DNAI2: variants seen among roughly 807,000 people sequenced by gnomAD.
DNAI2 encodes the protein dynein, axonemal, intermediate polypeptide 2.
Under a neutral mutation model 74.7 loss-of-function variants are expected in DNAI2, and 63 were observed. The ratio of observed to expected loss-of-function variants is 0.84; its 90% CI spans 0.69 to 1.04. The LOEUF (loss-of-function observed/expected upper bound fraction) is 1.04, where lower values mean the gene tolerates loss of function less well. DNAI2 is among the 50% of genes least tolerant of loss of function. The pLI, the probability that DNAI2 is intolerant of heterozygous loss-of-function variation, is 0.00. For synonymous variants in DNAI2, 289 were observed against 314.9 expected, an observed-to-expected ratio of 0.92 and a Z score of 0.87; for missense variants, 688 against 803.2, an observed-to-expected ratio of 0.86 and a Z score of 1.73.
chr17:74,285,054 G>A lies in DNAI2; in HGVS notation c.198G>A (p.Arg66=), dbSNP rs763731811. ...TCTCTGTTTAGGCCAACTCAGAGCG[G>A]TTTGAGATGGAGACCCGGGGAGTTA... ...SMSEHEANSE[R]FEMETRGVNH... Residue 66 remains arginine, a synonymous_variant, in exon 3 of 14, where the codon CGG becomes CGA. Coordinates refer to ENST00000311014, the MANE Select transcript of DNAI2 (RefSeq NM_023036.6). 1.2e-6 allele frequency: 2 copies of A among 1,614,136 alleles called. No homozygotes were observed. Among genetic ancestry groups the A allele is most frequent in the Admixed American group, 1.7e-5 (1 of 60,012 alleles).
intron 6 of DNAI2, among the ~76,000 whole-genome samples, chr17:74,297,344 G>A (rs575832298): frequency 3.6e-4 from 55 of 151,148 alleles, no homozygotes; most frequent in Non-Finnish European, 6.3e-4. Flanking sequence ...TGCCTGCCTC[G>A]GCCTCCCAAA....
intron 9 of DNAI2, among the ~76,000 whole-genome samples, chr17:74,306,650 C>G (rs1251525423): frequency 6.6e-6 from 1 of 151,526 alleles, no homozygotes; most frequent in Non-Finnish European, 1.5e-5. Context: ...TGGAGTCTTA[C>G]TCTGTCACCC....
intron 4 of DNAI2, among the ~76,000 whole-genome samples, chr17:74,288,338 T>G (rs971404619): frequency 6.6e-6 from 1 of 152,206 alleles, no homozygotes; most frequent in African/African-American, 2.4e-5. Context: ...GTAGGTTAGG[T>G]GTATTCAATG....
chr17:74,286,907 C>T (rs1305014664), intron 3 of DNAI2, 70 bp from the exon 4 acceptor site: 1 of 1,602,834 alleles, frequency 6.2e-7, no homozygotes, highest in Non-Finnish European at 8.5e-7. Flanking sequence ...CTCCCAGACT[C>T]CATTGCAGGC....
At chr17:74,295,232 T>G (rs1327536385) in intron 6 of DNAI2, among the ~76,000 whole-genome samples, 1 of 12,344 alleles carries the variant, frequency 8.1e-5, no homozygotes, top group Non-Finnish European at 4.6e-4. Flanking sequence ...CCATCTCTAC[T>G]TAAAAAAAAA....
chr17:74,305,308 C>A lies in DNAI2; in HGVS notation c.1077C>A (p.Thr359=). The change falls in exon 9 of 14, where the codon ACC becomes ACA. Residue 359 remains threonine, a synonymous_variant. Coordinates refer to ENST00000311014, the MANE Select transcript of DNAI2 (RefSeq NM_023036.6). ...AKTSAEKIVC[T]FPGHHGPIYA... is the part of the protein sequence containing the mutation. Reference sequence around the variant, plus strand: ...CGTCAGCTGAAAAGATTGTGTGCACCTTCCCGGGCCATCATGGCCCCATCT... The same window carrying A: ...CGTCAGCTGAAAAGATTGTGTGCACATTCCCGGGCCATCATGGCCCCATCT... 2 of 1,614,222 alleles carry A rather than the reference C, an allele frequency of 1.2e-6. No individual in the cohort carries two copies. The highest frequency in any genetic ancestry group is 1.7e-6 in the Non-Finnish European group (2 of 1,180,038).
chr17:74,314,133 C>T lies in DNAI2; in HGVS notation c.1735C>T (p.Pro579Ser). ...KLTPVPQQPSPEEDQVVEEGE... is the reference protein window; with the variant it reads ...KLTPVPQQPSSEEDQVVEEGE... The stretch of plus-strand genomic sequence containing the variant: ...TCTTCCCCTGCAGCAGCAACCAAGT[C>T]CAGAAGAAGACCAGGTGGTGGAGGA... The change falls in exon 13 of 14, where the codon CCA (proline) becomes TCA (serine). Residue 579 changes from proline (P) to serine (S), a missense_variant. Pro to Ser is a moderately conservative substitution (Grantham distance 74). Coordinates refer to ENST00000311014, the MANE Select transcript of DNAI2 (RefSeq NM_023036.6). 1 of 1,614,140 alleles carries T rather than the reference C, an allele frequency of 6.2e-7. No homozygotes were observed. The highest frequency in any genetic ancestry group is 2.2e-5 in the East Asian group (1 of 44,874).
In DNAI2 at chr17:74,299,760, C is replaced by T; in HGVS notation, c.767C>T (p.Ser256Phe). The change falls in exon 7 of 14, where the codon TCC becomes TTC. Residue 256 changes from serine to phenylalanine, a missense_variant. Coordinates refer to ENST00000311014, the MANE Select transcript of DNAI2 (RefSeq NM_023036.6). ...AAGGGCAGCCTGGTGGCGGAGCTAT[C>T]CACCATTGAGTCCAGCCACCGAGAC... ...TRKGSLVAELSTIESSHRDPV... is the reference protein window; with the variant it reads ...TRKGSLVAELFTIESSHRDPV... The T allele has an allele frequency of 6.2e-7, 1 of 1,610,732 alleles. No homozygotes were observed. The highest frequency in any genetic ancestry group is 2.2e-5 in the East Asian group (1 of 44,714).
chr17:74,313,839 G>A, intron 12 of DNAI2: 1 of 462,202 alleles, frequency 2.2e-6, no homozygotes, highest in South Asian at 2.1e-5. Context: ...ATGGGTGAGG[G>A]GGCCAAGGAG....
At chr17:74,295,745 G>A (rs1415037269) in intron 6 of DNAI2, among the ~76,000 whole-genome samples, 1 of 152,154 alleles carries the variant, frequency 6.6e-6, no homozygotes. Flanking sequence ...GTTGCTGTTT[G>A]TTGTAGTTGT....
intron 6 of DNAI2, among the ~76,000 whole-genome samples, chr17:74,291,903 G>A (rs937993368): frequency 6.7e-6 from 1 of 149,850 alleles, no homozygotes; most frequent in Non-Finnish European, 1.5e-5. Context: ...TCGCTCTGTC[G>A]CCCAGGCCGG....
chr17:74,309,304 C>G lies in DNAI2; in HGVS notation c.1263C>G (p.Thr421=), dbSNP rs771686170. 6.2e-7 allele frequency: 1 copy of G among 1,614,076 alleles called. No homozygotes were observed. The highest frequency in any genetic ancestry group is 8.5e-7 in the Non-Finnish European group (1 of 1,180,012). ...TDAAWSPVRP[T]VFFTTRMDGT... ...CTGCCTGGAGCCCCGTGAGGCCGAC[C>G]GTTTTCTTTACCACCAGGATGGACG... is the stretch of plus-strand genomic sequence containing the variant. The change falls in exon 10 of 14, where the codon ACC becomes ACG. Residue 421 remains threonine (T), a synonymous_variant. Transcript: ENST00000311014.
Position 74,305,332 on chromosome 17 carries a change from C to T in DNAI2, c.1101C>T (p.Ile367=), listed in dbSNP as rs2053122702. The T allele has an allele frequency of 6.2e-7, 1 of 1,614,116 alleles. No homozygotes were observed. Among genetic ancestry groups the T allele is most frequent in the African/African-American group, 1.3e-5 (1 of 74,948 alleles). ...CCTTCCCGGGCCATCATGGCCCCAT[C>T]TACGCCCTCCAGAGAAACCCCTTCT... ...VCTFPGHHGP[I]YALQRNPFYP... Residue 367 remains isoleucine (I), a synonymous_variant, in exon 9 of 14, where the codon ATC becomes ATT. Coordinates refer to ENST00000311014, the MANE Select transcript of DNAI2 (RefSeq NM_023036.6).
intron 10 of DNAI2, chr17:74,309,774 G>A: frequency 1.5e-6 from 1 of 645,496 alleles, no homozygotes; most frequent in South Asian, 1.8e-5. Flanking sequence ...GGAAGGGTGG[G>A]GGCATTGGGG....
intron 8 of DNAI2, among the ~76,000 whole-genome samples, chr17:74,301,710 A>G (rs2052774758): frequency 6.6e-6 from 1 of 151,772 alleles, no homozygotes. Context: ...AGGGTGGCTC[A>G]CGCCTGTAAT....
intron 2 of DNAI2, 63 bp downstream of exon 2, chr17:74,282,063 G>T: frequency 6.3e-7 from 1 of 1,592,696 alleles, no homozygotes; most frequent in Non-Finnish European, 8.6e-7. Flanking sequence ...GCCAGCTGGG[G>T]CCGGTGAGTG....
At position 74,296,346 on chromosome 17, in the gene DNAI2, GGAGA is replaced by G. The variant is rs1555611113; in HGVS notation, c.725-3364_725-3361del. Among the ~76,000 whole-genome samples, 517 of 83,324 alleles carry G rather than the reference GGAGA, an allele frequency of 6.2e-3. 10 individuals are homozygous for G. Among genetic ancestry groups the G allele is most frequent in the African/African-American group, 0.017 (491 of 28,356 alleles). 54.7% of individuals were successfully genotyped at this position (83,324 alleles called of 152,430 possible). On this transcript the variant is annotated intron_variant, in intron 6 of 13. Transcript: ENST00000311014. ...GAGAGAGAGAGAGGAGAGAGAGAGA[GGAGA>G]GAGAGAGGAAGGGGGAAGGAGGGAG...
chr17:74,282,051 C>T, intron 2 of DNAI2, 51 bp downstream of exon 2: 11 of 1,607,052 alleles, frequency 6.8e-6, no homozygotes, highest in African/African-American at 2.7e-5. Context: ...CCAGGCAGGG[C>T]GGCCAGCTGG....
chr17:74,282,051 C>A, intron 2 of DNAI2, 51 bp downstream of exon 2: 2 of 1,607,048 alleles, frequency 1.2e-6, no homozygotes, highest in Non-Finnish European at 1.7e-6. Context: ...CCAGGCAGGG[C>A]GGCCAGCTGG....
Sources: gnomAD v4.1 joint callset for allele counts (sites outside exome capture counted in the v4.1 genomes callset) on GRCh38, gnomAD v4.1.1 for gene constraint, MANE v1.5 for transcripts, NCBI Gene and HGNC (gene_info 2026-07-23, HGNC 2026-07-21) for gene names.